SGCD: variants seen among roughly 807,000 people sequenced by gnomAD.
SGCD encodes the protein delta-sarcoglycan.
In SGCD, 18 loss-of-function variants were observed where a neutral mutation model predicts 36.6. The observed-to-expected ratio is 0.49, with a 90% CI of 0.34 to 0.73. The LOEUF (loss-of-function observed/expected upper bound fraction) is 0.73, where lower values mean the gene tolerates loss of function less well. Ranked by LOEUF, SGCD falls within the 30% of genes least tolerant of loss-of-function variation. SGCD has a pLI of 0.01. For synonymous variants in SGCD, 133 were observed against 130.6 expected (o/e 1.02, Z -0.12); for missense variants, 387 against 346.7 (o/e 1.12, Z -0.92).
intron 4 of SGCD, among the ~76,000 whole-genome samples, chr5:156,528,380 A>C (rs115195501): frequency 0.014 from 2,154 of 152,334 alleles, 50 homozygotes; most frequent in African/African-American, 0.049. Context: ...ATATATTATT[A>C]GCATTTATTA....
intron 1 of SGCD, among the ~76,000 whole-genome samples, chr5:156,040,320 C>G (rs973307923): frequency 5.9e-5 from 9 of 152,228 alleles, no homozygotes; most frequent in South Asian, 4.2e-4. Flanking sequence ...AGCGGGAGCC[C>G]CTTTCAAGAA....
intron 3 of SGCD, among the ~76,000 whole-genome samples, chr5:156,193,553 G>C (rs1191595358): frequency 6.6e-6 from 1 of 152,138 alleles, no homozygotes; most frequent in Non-Finnish European, 1.5e-5. Flanking sequence ...TTACGGGCCA[G>C]ACTCATTAGA....
chr5:156,198,665 T>G (rs1444919792), intron 3 of SGCD, among the ~76,000 whole-genome samples: 2 of 152,116 alleles, frequency 1.3e-5, no homozygotes, highest in Non-Finnish European at 2.9e-5. Context: ...AGTTGGTTAT[T>G]AAATTGAATG....
chr5:155,764,667 C>T, the SGCD span, among the ~76,000 whole-genome samples: 5 of 152,114 alleles, frequency 3.3e-5, no homozygotes, highest in Admixed American at 2.0e-4. Flanking sequence ...ACAAGACCAA[C>T]CTCCGCATCT....
intron 3 of SGCD, among the ~76,000 whole-genome samples, chr5:156,401,798 T>C (rs1772165628): frequency 6.6e-6 from 1 of 152,134 alleles, no homozygotes; most frequent in Admixed American, 6.5e-5. Context: ...AAATTCATGA[T>C]TTTAACCATT....
chr5:156,330,286 A>T (rs1768006713), intron 2 of SGCD, among the ~76,000 whole-genome samples: 1 of 152,178 alleles, frequency 6.6e-6, no homozygotes, highest in Non-Finnish European at 1.5e-5. Context: ...GGTTTCAAGC[A>T]TCTTGGATAG....
chr5:156,318,901 G>C (rs1767590173), intron 3 of SGCD, among the ~76,000 whole-genome samples: 1 of 152,118 alleles, frequency 6.6e-6, no homozygotes, highest in South Asian at 2.1e-4. Flanking sequence ...TGGCCTCTTG[G>C]ATGACCTCTT....
intron 3 of SGCD, among the ~76,000 whole-genome samples, chr5:156,415,653 C>A (rs1772992693): frequency 6.6e-6 from 1 of 152,044 alleles, no homozygotes; most frequent in African/African-American, 2.4e-5. Context: ...AAAGTGTAGC[C>A]CAGATTAGAG....
At chr5:155,906,251 C>T (rs1756509660) in intron 1 of SGCD, among the ~76,000 whole-genome samples, 1 of 152,056 alleles carries the variant, frequency 6.6e-6, no homozygotes, top group Admixed American at 6.6e-5. Context: ...GGCCGTTTCC[C>T]CTCTCATTTC....
At chr5:156,028,173 G>T (rs1022014661) in intron 1 of SGCD, among the ~76,000 whole-genome samples, 1 of 152,160 alleles carries the variant, frequency 6.6e-6, no homozygotes, top group Admixed American at 6.6e-5. Context: ...TGAATCTTGT[G>T]CTGTTTCTGG....
At chr5:156,060,878 T>C (rs1228813796) in intron 1 of SGCD, among the ~76,000 whole-genome samples, 2 of 145,952 alleles carry the variant, frequency 1.4e-5, no homozygotes, top group Non-Finnish European at 3.1e-5. Flanking sequence ...TATATTTTCC[T>C]AGAAATATAG....
intron 6 of SGCD, among the ~76,000 whole-genome samples, chr5:156,600,092 T>C (rs1374467247): frequency 6.6e-6 from 1 of 152,182 alleles, no homozygotes; most frequent in Non-Finnish European, 1.5e-5. Flanking sequence ...TACATCTCCA[T>C]CATATAATGA....
At chr5:156,079,224 G>C (rs1169330069) in intron 1 of SGCD, among the ~76,000 whole-genome samples, 3 of 152,022 alleles carry the variant, frequency 2.0e-5, no homozygotes, top group Non-Finnish European at 4.4e-5. Context: ...ACTGTTGTGA[G>C]GACAGCACTG....
the SGCD span, among the ~76,000 whole-genome samples, chr5:155,791,658 A>G: frequency 6.6e-6 from 1 of 152,132 alleles, no homozygotes; most frequent in Non-Finnish European, 1.5e-5. Flanking sequence ...TCCCATTTAC[A>G]ATAGCAACAA....
intron 1 of SGCD, among the ~76,000 whole-genome samples, chr5:155,927,953 T>C (rs1208582999): frequency 6.6e-6 from 1 of 152,204 alleles, no homozygotes; most frequent in Non-Finnish European, 1.5e-5. Context: ...TGAATTACTT[T>C]TGTAACTAGA....
intron 3 of SGCD, among the ~76,000 whole-genome samples, chr5:156,394,341 A>T (rs1410994272): frequency 6.6e-6 from 1 of 152,254 alleles, no homozygotes; most frequent in Non-Finnish European, 1.5e-5. Context: ...TGAACATAAT[A>T]GCTCCAATAA....
chr5:155,836,282 T>C, the SGCD span, among the ~76,000 whole-genome samples: 1 of 152,208 alleles, frequency 6.6e-6, no homozygotes, highest in Non-Finnish European at 1.5e-5. Flanking sequence ...TCCCTGGGCA[T>C]CCAGTGAGAT....
intron 7 of SGCD, among the ~76,000 whole-genome samples, chr5:156,711,203 G>A (rs1257213162): frequency 1.3e-5 from 2 of 152,084 alleles, no homozygotes; most frequent in African/African-American, 2.4e-5. Flanking sequence ...TCAAGAGGGG[G>A]GGTCCATTCA....
intron 3 of SGCD, among the ~76,000 whole-genome samples, chr5:156,215,454 C>T (rs141785637): frequency 6.6e-6 from 1 of 152,110 alleles, no homozygotes; most frequent in East Asian, 1.9e-4. Flanking sequence ...AATATTCAAA[C>T]TATGTAAGGA....
Sources: allele counts gnomAD v4.1 joint callset (sites outside exome capture counted in the v4.1 genomes callset), GRCh38; gene constraint gnomAD v4.1.1; transcripts MANE v1.5; gene names NCBI Gene and HGNC (gene_info 2026-07-23, HGNC 2026-07-21).